The following NKAIN3 variants were observed in gnomAD, a reference collection of about 807,000 sequenced individuals.
NKAIN3 encodes the protein sodium/potassium-transporting ATPase subunit beta-1-interacting protein 3.
A neutral mutation model predicts 30.2 loss-of-function variants in NKAIN3; 25 were observed. The observed-to-expected ratio is 0.83, with a 90% CI of 0.60 to 1.16. The LOEUF is 1.16. Among genes scored for constraint, NKAIN3 ranks in the 50% most tolerant of loss-of-function variants. The pLI is 0.00. For missense variants in NKAIN3, 225 were observed against 254.1 expected, an observed-to-expected ratio of 0.89 and a Z score of 0.78; for synonymous variants, 91 against 89.6, an observed-to-expected ratio of 1.02 and a Z score of -0.09.
chr8:62,856,961 CA>C (rs199990725), intron 4 of NKAIN3: 843 of 468,924 alleles, frequency 1.8e-3, no homozygotes, highest in East Asian at 8.8e-3. Flanking sequence ...GAGGCATCAA[CA>C]AAAAAAAAAC....
At chr8:62,650,447 T>C (rs1812588852) in intron 3 of NKAIN3, among the ~76,000 whole-genome samples, 1 of 152,172 alleles carries the variant, frequency 6.6e-6, no homozygotes, top group Non-Finnish European at 1.5e-5. Context: ...CATTCCTAAA[T>C]ACTCCTAGAG....
At chr8:62,616,948 T>C (rs551221191) in intron 3 of NKAIN3, among the ~76,000 whole-genome samples, 27 of 152,314 alleles carry the variant, frequency 1.8e-4, no homozygotes, top group Admixed American at 7.8e-4. Context: ...TCATAAATGG[T>C]TTAGCACCAT....
At chr8:62,388,302 A>G (rs906817877) in intron 1 of NKAIN3, among the ~76,000 whole-genome samples, 2 of 152,220 alleles carry the variant, frequency 1.3e-5, no homozygotes, top group Non-Finnish European at 2.9e-5. Context: ...ATTATTCCTA[A>G]CATATAAAAC....
chr8:62,569,413 G>T (rs554678289), intron 1 of NKAIN3, among the ~76,000 whole-genome samples: 3 of 152,282 alleles, frequency 2.0e-5, no homozygotes, highest in African/African-American at 4.8e-5. Flanking sequence ...GAGTTGAATA[G>T]ATAGGAGAGT....
At chr8:62,678,408 T>C (rs1813544912) in intron 3 of NKAIN3, among the ~76,000 whole-genome samples, 2 of 152,186 alleles carry the variant, frequency 1.3e-5, no homozygotes, top group African/African-American at 4.8e-5. Flanking sequence ...ATCTTCGAAA[T>C]AGATGAGTAA....
rs567210823 is a variant in NKAIN3 at position 62,900,505 on chromosome 8, G to A, written c.472-17948G>A. 4.6e-5 allele frequency among the ~76,000 whole-genome samples: 7 copies of A among 152,256 alleles called. No individual in the cohort carries two copies. The South Asian group carries it at 6.2e-4, about 14-fold the overall frequency. On this transcript the variant is annotated intron_variant, in intron 4 of 6. Coordinates refer to ENST00000623646, the MANE Select transcript of NKAIN3 (RefSeq NM_001304533.3). ...ACATCATGGGCTCCAAAGCCAGAGT[G>A]TCCCTACCTAAGTGGTTTGGGGACA... is the stretch of plus-strand genomic sequence containing the variant.
chr8:62,752,866 T>C (rs1300256553), intron 4 of NKAIN3, among the ~76,000 whole-genome samples: 2 of 152,156 alleles, frequency 1.3e-5, no homozygotes, highest in African/African-American at 4.8e-5. Context: ...TTTTATACCA[T>C]TTGATAAAAA....
chr8:62,481,765 C>T (rs757629859), intron 1 of NKAIN3, among the ~76,000 whole-genome samples: 9 of 152,210 alleles, frequency 5.9e-5, no homozygotes, highest in Non-Finnish European at 1.0e-4. Context: ...AAGAAATCAT[C>T]GTATGCTTTG....
At chr8:62,265,496 C>T (rs373087991) in intron 1 of NKAIN3, among the ~76,000 whole-genome samples, 2 of 152,106 alleles carry the variant, frequency 1.3e-5, no homozygotes, top group Non-Finnish European at 2.9e-5. Context: ...TCTATAGACA[C>T]GTAATTGGTA....
At chr8:62,825,804 C>T (rs554777059) in intron 4 of NKAIN3, among the ~76,000 whole-genome samples, 31 of 152,270 alleles carry the variant, frequency 2.0e-4, no homozygotes, top group African/African-American at 7.2e-4. Context: ...CTTGGCTGCT[C>T]TGTGGTGCTG....
chr8:62,536,699 C>T (rs970310764), intron 1 of NKAIN3, among the ~76,000 whole-genome samples: 1 of 151,980 alleles, frequency 6.6e-6, no homozygotes, highest in Non-Finnish European at 1.5e-5. Flanking sequence ...TTCTTGTTAC[C>T]TGAATTAAAT....
At chr8:62,591,412 T>C (rs771984700) in intron 3 of NKAIN3, among the ~76,000 whole-genome samples, 12 of 151,972 alleles carry the variant, frequency 7.9e-5, no homozygotes, top group Non-Finnish European at 1.3e-4. Flanking sequence ...TCAGTGTTTA[T>C]TATACACATG....
At chr8:62,505,678 A>G (rs1335908905) in intron 1 of NKAIN3, among the ~76,000 whole-genome samples, 2 of 152,168 alleles carry the variant, frequency 1.3e-5, no homozygotes, top group Non-Finnish European at 2.9e-5. Flanking sequence ...ATCCATATCC[A>G]GTAGTATCAT....
At position 62,967,419 on chromosome 8, in the gene NKAIN3, G is replaced by A. The variant is rs893491119; in HGVS notation, c.*2012G>A. 2.0e-5 allele frequency among the ~76,000 whole-genome samples: 3 copies of A among 151,998 alleles called. No individual in the cohort carries two copies. The highest frequency in any genetic ancestry group is 7.3e-5 in the African/African-American group (3 of 41,308). On this transcript the variant is annotated 3_prime_UTR_variant, in exon 7 of 7. Coordinates refer to ENST00000623646, the MANE Select transcript of NKAIN3 (RefSeq NM_001304533.3). ...AACGAAAAATGTAAAAAAATTCTCA[G>A]TACACAGTGAAGCACTCCACAATTA... is the stretch of plus-strand genomic sequence containing the variant.
chr8:62,814,356 C>G (rs1818599727), intron 4 of NKAIN3, among the ~76,000 whole-genome samples: 1 of 151,034 alleles, frequency 6.6e-6, no homozygotes, highest in Non-Finnish European at 1.5e-5. Context: ...TCTTTTTAAA[C>G]ATTAACAATT....
At chr8:62,682,788 C>G in intron 3 of NKAIN3, among the ~76,000 whole-genome samples, 1 of 152,056 alleles carries the variant, frequency 6.6e-6, no homozygotes, top group Non-Finnish European at 1.5e-5. Flanking sequence ...CTCCATTGAC[C>G]TGGGAACCAC....
chr8:62,350,503 A>G lies in NKAIN3; in HGVS notation c.54+101376A>G, dbSNP rs554663939. On this transcript the variant is annotated intron_variant, in intron 1 of 6. Transcript: ENST00000623646. ...AGTTATTGTTAATGGATAGAGTTAC[A>G]GCGTGGGACGATGATGAAAAGTTCT... Among the ~76,000 whole-genome samples the G allele has an allele frequency of 4.2e-3, 646 of 152,258 alleles. 2 individuals carry two copies. Among genetic ancestry groups the G allele is most frequent in the African/African-American group, 0.014 (600 of 41,562 alleles).
At position 62,855,716 on chromosome 8, in the gene NKAIN3, A is replaced by G. The variant is rs1820041700; in HGVS notation, c.472-62737A>G. The G allele has an allele frequency of 3.2e-6, 5 of 1,558,538 alleles. No individual in the cohort carries two copies. The Admixed American group carries it at 5.0e-5, about 16-fold the overall frequency. On this transcript the variant is annotated intron_variant, in intron 4 of 6. Transcript: ENST00000623646. Reference sequence around the variant, plus strand: ...TCTGCATGTGAAGCGGAGCTTCTGAACGATAGCCTTCATCTTGTCCACCTG... The same window carrying G: ...TCTGCATGTGAAGCGGAGCTTCTGAGCGATAGCCTTCATCTTGTCCACCTG...
At chr8:62,924,365 C>T (rs1286232364) in intron 5 of NKAIN3, among the ~76,000 whole-genome samples, 1 of 152,194 alleles carries the variant, frequency 6.6e-6, no homozygotes, top group Admixed American at 6.5e-5. Context: ...CAACATTTAA[C>T]ACAACTGTAA....
Sources: gnomAD v4.1 joint callset for allele counts (sites outside exome capture counted in the v4.1 genomes callset) on GRCh38, gnomAD v4.1.1 for gene constraint, MANE v1.5 for transcripts, NCBI Gene and HGNC (gene_info 2026-07-23, HGNC 2026-07-21) for gene names.